Variants in SMYD3 observed in about 807,000 individuals in gnomAD.
SMYD3 encodes SET and MYND domain containing 3, also known as histone-lysine N-methyltransferase SMYD3.
A neutral mutation model predicts 57.7 loss-of-function variants in SMYD3; 36 were observed. The ratio of observed to expected loss-of-function variants is 0.62; its 90% CI spans 0.48 to 0.82. The LOEUF (loss-of-function observed/expected upper bound fraction) is 0.82, where lower values mean the gene tolerates loss of function less well. SMYD3 is among the 40% of genes least tolerant of loss of function. The pLI, the probability that SMYD3 is intolerant of heterozygous loss-of-function variation, is 0.00. For missense variants in SMYD3, 515 were observed against 538.8 expected (o/e 0.96, Z 0.44); for synonymous variants, 211 against 195.0 (o/e 1.08, Z -0.68).
At chr1:246,042,435 G>C (rs1188384670) in intron 5 of SMYD3, among the ~76,000 whole-genome samples, 3 of 152,172 alleles carry the variant, frequency 2.0e-5, no homozygotes, top group Non-Finnish European at 4.4e-5. Context: ...AGATTAAGCA[G>C]TGAGGAGCTC....
chr1:246,480,573 G>C (rs537578244), intron 1 of SMYD3, among the ~76,000 whole-genome samples: 127 of 152,116 alleles, frequency 8.3e-4, no homozygotes, highest in Non-Finnish European at 1.5e-3. Context: ...CGAGAGAAAG[G>C]GGAAAAGATA....
intron 5 of SMYD3, among the ~76,000 whole-genome samples, chr1:246,238,953 C>T (rs528336257): frequency 3.4e-5 from 5 of 145,062 alleles, no homozygotes; most frequent in Non-Finnish European, 6.0e-5. Context: ...ACTGGAGAGA[C>T]GAACTGTGCA....
chr1:245,780,509 T>A (rs1051789581), intron 10 of SMYD3, among the ~76,000 whole-genome samples: 6 of 151,984 alleles, frequency 3.9e-5, no homozygotes, highest in African/African-American at 1.4e-4. Context: ...CAAACTAGAT[T>A]AGTAGTTTCC....
chr1:245,778,392 T>C (rs76716539), intron 10 of SMYD3, among the ~76,000 whole-genome samples: 3,527 of 152,228 alleles, frequency 0.023, 148 homozygotes, highest in African/African-American at 0.08. Context: ...ATTTTTTTTT[T>C]CCCAAAGGCA....
intron 10 of SMYD3, among the ~76,000 whole-genome samples, chr1:245,845,423 T>C (rs1378037528): frequency 6.6e-6 from 1 of 152,252 alleles, no homozygotes; most frequent in African/African-American, 2.4e-5. Flanking sequence ...TGTAGCATTC[T>C]GGCTATATTA....
intron 1 of SMYD3, among the ~76,000 whole-genome samples, chr1:246,463,817 C>T (rs925991349): frequency 9.0e-6 from 1 of 110,758 alleles, no homozygotes; most frequent in East Asian, 2.6e-4. Context: ...GCCTGGGAGA[C>T]GGCGAGACCC....
rs1380395220 is a variant in SMYD3 at position 245,759,371 on chromosome 1, A to G, written c.1185+4670T>C. 3.3e-5 allele frequency among the ~76,000 whole-genome samples: 5 copies of G among 152,030 alleles called. No individual in the cohort carries two copies. The East Asian group carries it at 9.7e-4, about 29-fold the overall frequency. ...TTAAGTGTTTAGAGGAGGGCTTTTT[A>G]ACCTAGGCACCATGGATACTAAGTC... is the stretch of plus-strand genomic sequence containing the variant. On this transcript the variant is annotated intron_variant, in intron 11 of 11. Transcript: ENST00000490107.
At chr1:246,244,014 C>T (rs1226569756) in intron 5 of SMYD3, among the ~76,000 whole-genome samples, 2 of 107,876 alleles carry the variant, frequency 1.9e-5, no homozygotes, top group Non-Finnish European at 3.8e-5. Context: ...TATATATGTA[C>T]ATATATGTGT....
At chr1:246,133,145 C>A (rs2061612864) in intron 5 of SMYD3, among the ~76,000 whole-genome samples, 1 of 150,992 alleles carries the variant, frequency 6.6e-6, no homozygotes, top group African/African-American at 2.4e-5. Context: ...GGGTATGCAT[C>A]CAAAAGAACT....
At chr1:246,279,934 A>C (rs543823802) in intron 5 of SMYD3, among the ~76,000 whole-genome samples, 123 of 152,282 alleles carry the variant, frequency 8.1e-4, no homozygotes, top group African/African-American at 2.7e-3. Flanking sequence ...CAAGAAAACA[A>C]TTTTATCTGC....
chr1:245,818,412 A>G (rs1489086152), intron 10 of SMYD3, among the ~76,000 whole-genome samples: 1 of 152,298 alleles, frequency 6.6e-6, no homozygotes, highest in Admixed American at 6.5e-5. Flanking sequence ...CATCGAAAGG[A>G]ACAACCGGTA....
At chr1:246,333,794 G>A (rs1233249569) in intron 3 of SMYD3, among the ~76,000 whole-genome samples, 1 of 152,140 alleles carries the variant, frequency 6.6e-6, no homozygotes, top group Non-Finnish European at 1.5e-5. Context: ...GCTGAGGTAG[G>A]AGGACTGCTT....
At position 245,915,575 on chromosome 1, in the gene SMYD3, C is replaced by T; in HGVS notation, c.768G>A (p.Gln256=). 1 of 1,614,020 alleles carries T rather than the reference C, an allele frequency of 6.2e-7. No individual in the cohort carries two copies. Among genetic ancestry groups the T allele is most frequent in the Non-Finnish European group, 8.5e-7 (1 of 1,179,962 alleles). ...GGAAACAGTCACATTCAAAGCAGTA[C>T]TGGTCCCTCAGCTGCTTCCGGCGCT... The part of the protein sequence containing the change: ...SEERRKQLRD[Q]YCFECDCFRC... Residue 256 remains glutamine (Q), a synonymous_variant, in exon 8 of 12, where the codon CAG becomes CAA. Coordinates refer to ENST00000490107, the MANE Select transcript of SMYD3 (RefSeq NM_001167740.2).
chr1:246,326,556 C>G (rs1425442293), intron 5 of SMYD3, among the ~76,000 whole-genome samples: 1 of 150,678 alleles, frequency 6.6e-6, no homozygotes, highest in African/African-American at 2.4e-5. Flanking sequence ...GGTGGATCAC[C>G]TGAGGTCAGG....
chr1:246,082,696 GAA>G (rs1055240081), intron 5 of SMYD3, among the ~76,000 whole-genome samples: 3 of 152,122 alleles, frequency 2.0e-5, no homozygotes, highest in African/African-American at 7.2e-5. Context: ...GTGGGGAAAA[GAA>G]AGAGAGATCA....
chr1:245,757,458 G>T (rs1465524516), intron 11 of SMYD3, among the ~76,000 whole-genome samples: 1 of 151,846 alleles, frequency 6.6e-6, no homozygotes, highest in Non-Finnish European at 1.5e-5. Flanking sequence ...ATTTTCTTTT[G>T]TTGCCTGTAG....
chr1:246,485,612 C>CCG (rs1553355401), intron 1 of SMYD3, among the ~76,000 whole-genome samples: 2 of 151,612 alleles, frequency 1.3e-5, no homozygotes, highest in African/African-American at 4.8e-5. Flanking sequence ...TGAGACCCCC[C>CCG]CCCACATCTC....
intron 5 of SMYD3, among the ~76,000 whole-genome samples, chr1:246,151,138 C>A (rs984060608): frequency 4.6e-5 from 7 of 151,786 alleles, no homozygotes; most frequent in Non-Finnish European, 7.4e-5. Context: ...CCCAGCTACT[C>A]AGAAGGCTGA....
At chr1:246,261,654 A>G (rs2064014521) in intron 5 of SMYD3, among the ~76,000 whole-genome samples, 1 of 152,036 alleles carries the variant, frequency 6.6e-6, no homozygotes, top group South Asian at 2.1e-4. Flanking sequence ...CTTAACAAAG[A>G]AAAACACTGC....
Sources: allele counts gnomAD v4.1 joint callset (sites outside exome capture counted in the v4.1 genomes callset), GRCh38; gene constraint gnomAD v4.1.1; transcripts MANE v1.5; gene names NCBI Gene and HGNC (gene_info 2026-07-23, HGNC 2026-07-21).